The following LURAP1L variants were observed in gnomAD, a reference collection of about 807,000 sequenced individuals.
The protein encoded by LURAP1L is leucine rich adaptor protein 1 like.
A neutral mutation model predicts 13.8 loss-of-function variants in LURAP1L; 12 were observed. The observed-to-expected ratio is 0.87, with a 90% CI of 0.56 to 1.41. The LOEUF (loss-of-function observed/expected upper bound fraction) is 1.41. Among genes scored for constraint, LURAP1L ranks in the 40% most tolerant of loss-of-function variants. LURAP1L has a pLI of 0.00. For missense variants in LURAP1L, 375 were observed against 292.9 expected (o/e 1.28, Z -2.04); for synonymous variants, 139 against 119.2 (o/e 1.17, Z -1.08).
intron 1 of LURAP1L, among the ~76,000 whole-genome samples, chr9:12,796,687 A>G (rs1484831903): frequency 6.6e-6 from 1 of 151,972 alleles, no homozygotes; most frequent in Non-Finnish European, 1.5e-5. Flanking sequence ...TGAATATTCT[A>G]ATAGTTTTTT....
intron 1 of LURAP1L, among the ~76,000 whole-genome samples, chr9:12,815,278 A>T (rs1168748485): frequency 6.6e-6 from 1 of 152,186 alleles, no homozygotes; most frequent in African/African-American, 2.4e-5. Context: ...ACAAGCAAAC[A>T]AACTGGAATA....
intron 1 of LURAP1L, among the ~76,000 whole-genome samples, chr9:12,776,742 C>G (rs1819191159): frequency 6.6e-6 from 1 of 152,176 alleles, no homozygotes; most frequent in Non-Finnish European, 1.5e-5. Flanking sequence ...CCTTCTCCCT[C>G]AAGTCTCAAT....
At chr9:12,797,559 T>C (rs1007969906) in intron 1 of LURAP1L, among the ~76,000 whole-genome samples, 1 of 152,184 alleles carries the variant, frequency 6.6e-6, no homozygotes, top group Admixed American at 6.5e-5. Context: ...TTTTCATTAT[T>C]ATCAGAAAAT....
intron 1 of LURAP1L, among the ~76,000 whole-genome samples, chr9:12,807,025 A>ACTAACTAACTGACT (rs1563896042): frequency 4.3e-5 from 6 of 140,182 alleles, no homozygotes; most frequent in East Asian, 2.1e-4. Context: ...CGTCTCAAAA[A>ACTAACTAACTGACT]AAAAAAAAAA....
intron 1 of LURAP1L, among the ~76,000 whole-genome samples, chr9:12,781,631 G>A (rs1039045448): frequency 1.3e-5 from 2 of 152,080 alleles, no homozygotes; most frequent in East Asian, 1.9e-4. Context: ...TTGTGCGTAC[G>A]TACAACATTT....
rs1819888308 is a variant in LURAP1L at position 12,821,988 on chromosome 9, T to G, written c.*228T>G. Reference sequence around the variant, plus strand: ...TTATTTATTACAATGATTTTCTCCCTTCTTTTACAGTAGCACAAACAAAGT... The same window carrying G: ...TTATTTATTACAATGATTTTCTCCCGTCTTTTACAGTAGCACAAACAAAGT... On this transcript the variant is annotated 3_prime_UTR_variant, in exon 2 of 2. Transcript: ENST00000319264. 1 of 450,244 alleles carries G rather than the reference T, an allele frequency of 2.2e-6. No homozygotes were observed. Among genetic ancestry groups the G allele is most frequent in the Non-Finnish European group, 3.8e-6 (1 of 260,336 alleles). 27.9% of individuals were successfully genotyped at this position (450,244 alleles called of 1,614,324 possible). A position where few individuals can be genotyped will look rare whatever the true frequency, so the allele number is the denominator to read the frequency against.
In LURAP1L at chr9:12,775,349, A is replaced by C. The variant is rs1179440752; in HGVS notation, c.-367A>C. 4.7e-6 allele frequency: 1 copy of C among 212,944 alleles called. No individual in the cohort carries two copies. The highest frequency in any genetic ancestry group is 2.3e-5 in the African/African-American group (1 of 43,198). The allele number at this position is 212,944 out of a possible 1,614,324, so 13.2% of individuals were successfully genotyped here. On this transcript the variant is annotated 5_prime_UTR_variant, in exon 1 of 2. Transcript: ENST00000319264. ...GAAAATTTTCCCTTGGTAAAGCTAAAACAGATTTAATTTCCCTCTCTTTTC... is the reference window on the plus strand; with the variant it reads ...GAAAATTTTCCCTTGGTAAAGCTAACACAGATTTAATTTCCCTCTCTTTTC...
chr9:12,806,144 T>C (rs941906784), intron 1 of LURAP1L, among the ~76,000 whole-genome samples: 1 of 152,108 alleles, frequency 6.6e-6, no homozygotes, highest in African/African-American at 2.4e-5. Flanking sequence ...TTTTAAAAAG[T>C]TGAAAACATG....
chr9:12,779,491 G>T (rs372256608), intron 1 of LURAP1L, among the ~76,000 whole-genome samples: 1 of 152,004 alleles, frequency 6.6e-6, no homozygotes, highest in African/African-American at 2.4e-5. Flanking sequence ...AGCTAGGATG[G>T]TCTCTATCTC....
At chr9:12,779,570 G>A (rs1819241375) in intron 1 of LURAP1L, among the ~76,000 whole-genome samples, 1 of 151,966 alleles carries the variant, frequency 6.6e-6, no homozygotes, top group African/African-American at 2.4e-5. Context: ...GTGTACGGCC[G>A]AAACTTTATA....
intron 1 of LURAP1L, among the ~76,000 whole-genome samples, chr9:12,785,056 G>A (rs1175045080): frequency 1.3e-5 from 2 of 151,728 alleles, no homozygotes; most frequent in Non-Finnish European, 2.9e-5. Context: ...CAAGGCCCAA[G>A]GGCTCTTTTT....
chr9:12,782,537 G>A (rs917140985), intron 1 of LURAP1L, among the ~76,000 whole-genome samples: 1 of 152,132 alleles, frequency 6.6e-6, no homozygotes, highest in South Asian at 2.1e-4. Flanking sequence ...TGTGAAAAAT[G>A]AGTTCACTGT....
chr9:12,779,612 T>C (rs1308680058), intron 1 of LURAP1L, among the ~76,000 whole-genome samples: 1 of 152,060 alleles, frequency 6.6e-6, no homozygotes, highest in East Asian at 1.9e-4. Flanking sequence ...GTCACCATAA[T>C]CTTATAGACA....
At chr9:12,789,451 C>T (rs1819409572) in intron 1 of LURAP1L, among the ~76,000 whole-genome samples, 1 of 152,068 alleles carries the variant, frequency 6.6e-6, no homozygotes, top group Non-Finnish European at 1.5e-5. Context: ...AACTTGTTTT[C>T]CTGAACATGC....
chr9:12,790,883 G>T (rs1045398784), intron 1 of LURAP1L: 2 of 151,912 alleles, frequency 1.3e-5, no homozygotes, highest in African/African-American at 4.8e-5. Flanking sequence ...AACATTATTT[G>T]TAGCATTGTA....
rs1274073480 is a variant in LURAP1L, at chr9:12,822,431, T to C, written c.*671T>C. Among the ~76,000 whole-genome samples, 5 of 152,222 alleles carry C rather than the reference T, an allele frequency of 3.3e-5. No individual in the cohort carries two copies. The highest frequency in any genetic ancestry group is 1.2e-4 in the African/African-American group (5 of 41,454). Reference sequence around the variant, plus strand: ...TCAAATCATATGTTTATTTGTGTAATAAAATGTATTATTCTCCCAAATTTC... The same window carrying C: ...TCAAATCATATGTTTATTTGTGTAACAAAATGTATTATTCTCCCAAATTTC... On this transcript the variant is annotated 3_prime_UTR_variant, in exon 2 of 2. Coordinates refer to ENST00000319264, the MANE Select transcript of LURAP1L (RefSeq NM_203403.2).
chr9:12,801,966 T>C (rs1180632776), intron 1 of LURAP1L, among the ~76,000 whole-genome samples: 1 of 152,192 alleles, frequency 6.6e-6, no homozygotes, highest in Non-Finnish European at 1.5e-5. Flanking sequence ...GAATTCCCAG[T>C]CCATTTCCTT....
chr9:12,795,788 G>C (rs371217401), intron 1 of LURAP1L, among the ~76,000 whole-genome samples: 1 of 151,812 alleles, frequency 6.6e-6, no homozygotes, highest in Non-Finnish European at 1.5e-5. Context: ...GGTACCAAAC[G>C]GTCTCCATGT....
At chr9:12,810,986 A>G (rs941671607) in intron 1 of LURAP1L, among the ~76,000 whole-genome samples, 4 of 152,224 alleles carry the variant, frequency 2.6e-5, no homozygotes, top group African/African-American at 7.2e-5. Context: ...AAAATATCTG[A>G]GTCTTCATTA....
Sources: allele counts gnomAD v4.1 joint callset (sites outside exome capture counted in the v4.1 genomes callset), GRCh38; gene constraint gnomAD v4.1.1; transcripts MANE v1.5; gene names NCBI Gene and HGNC (gene_info 2026-07-23, HGNC 2026-07-21).